The following SYT9 variants were observed in gnomAD, a reference collection of about 807,000 sequenced individuals.
SYT9 encodes the protein synaptotagmin 9, also known as synaptotagmin-9.
A neutral mutation model predicts 48.4 loss-of-function variants in SYT9; 22 were observed. The observed-to-expected ratio is 0.45, with a 90% confidence interval of 0.32 to 0.65. The LOEUF is 0.65. Among genes scored for constraint, SYT9 ranks in the 30% least tolerant of loss-of-function variants. The pLI is 0.03. For missense variants in SYT9, 577 were observed against 622.0 expected, an observed-to-expected ratio of 0.93 and a Z score of 0.77; for synonymous variants, 265 against 245.0, an observed-to-expected ratio of 1.08 and a Z score of -0.76.
chr11:7,315,137 G>T (rs1849218711), intron 3 of SYT9, among the ~76,000 whole-genome samples: 3 of 152,214 alleles, frequency 2.0e-5, no homozygotes, highest in Admixed American at 2.0e-4. Flanking sequence ...CATGAGGAAA[G>T]AAAGAAAGGA....
At chr11:7,357,523 C>A (rs1850044073) in intron 3 of SYT9, among the ~76,000 whole-genome samples, 1 of 152,216 alleles carries the variant, frequency 6.6e-6, no homozygotes, top group East Asian at 1.9e-4. Flanking sequence ...CTGAGAGAAT[C>A]CTAAAGATAG....
At chr11:7,321,756 A>G (rs1003257225) in intron 3 of SYT9, among the ~76,000 whole-genome samples, 2 of 152,160 alleles carry the variant, frequency 1.3e-5, no homozygotes, top group Non-Finnish European at 2.9e-5. Flanking sequence ...TTACATACAA[A>G]TTAAAGGGCG....
intron 3 of SYT9, among the ~76,000 whole-genome samples, chr11:7,387,600 G>T (rs1850686084): frequency 1.3e-5 from 2 of 152,056 alleles, no homozygotes; most frequent in South Asian, 2.1e-4. Flanking sequence ...CAAATACAAT[G>T]TTCAATAGAA....
At chr11:7,364,142 G>A (rs2134019882) in intron 3 of SYT9, among the ~76,000 whole-genome samples, 1 of 152,208 alleles carries the variant, frequency 6.6e-6, no homozygotes, top group East Asian at 1.9e-4. Flanking sequence ...TAGTGGGGTG[G>A]GGTATTCATC....
intron 3 of SYT9, among the ~76,000 whole-genome samples, chr11:7,344,057 A>G (rs868377491): frequency 9.9e-5 from 15 of 152,192 alleles, no homozygotes; most frequent in Middle Eastern, 3.2e-3. Context: ...ACAATTCAAG[A>G]TGAGATTTGG....
At chr11:7,379,920 T>A (rs553400706) in intron 3 of SYT9, among the ~76,000 whole-genome samples, 2 of 152,230 alleles carry the variant, frequency 1.3e-5, no homozygotes, top group Non-Finnish European at 2.9e-5. Flanking sequence ...TACCATATGA[T>A]CCAGCAGTCC....
In SYT9 at chr11:7,419,992, G is replaced by T. The variant is rs1847320564; in HGVS notation, c.1338-514G>T. ...CCAAAGAAGCTGAACTTAGAAGAAA[G>T]GAGGGACAAGTATAAGACAATAACA... On this transcript the variant is annotated intron_variant, in intron 5 of 6. Coordinates refer to ENST00000318881, the MANE Select transcript of SYT9 (RefSeq NM_175733.4). Among the ~76,000 whole-genome samples, 4 of 152,314 alleles carry T rather than the reference G, an allele frequency of 2.6e-5. No homozygotes were observed. In the South Asian group the frequency reaches 8.3e-4, roughly 32 times the overall value.
intron 3 of SYT9, among the ~76,000 whole-genome samples, chr11:7,356,186 C>T (rs1190221411): frequency 1.3e-5 from 2 of 152,078 alleles, no homozygotes; most frequent in African/African-American, 4.8e-5. Flanking sequence ...GGTGATGATC[C>T]CATCAAAGGA....
intron 6 of SYT9, among the ~76,000 whole-genome samples, chr11:7,428,379 C>G (rs1177172730): frequency 6.6e-6 from 1 of 152,140 alleles, no homozygotes; most frequent in Non-Finnish European, 1.5e-5. Flanking sequence ...GTCTCCATCT[C>G]CAGGGATGGC....
intron 3 of SYT9, among the ~76,000 whole-genome samples, chr11:7,384,089 CACA>C (rs1850613921): frequency 2.0e-5 from 3 of 151,042 alleles, no homozygotes; most frequent in African/African-American, 7.3e-5. Flanking sequence ...CACACACACA[CACA>C]CCCTCACACC....
intron 4 of SYT9, among the ~76,000 whole-genome samples, chr11:7,417,606 G>A (rs1847276452): frequency 6.6e-6 from 1 of 152,174 alleles, no homozygotes; most frequent in Non-Finnish European, 1.5e-5. Flanking sequence ...GAGCTGGGGG[G>A]CCTGTTTTCA....
chr11:7,361,757 A>G (rs1405116157), intron 3 of SYT9, among the ~76,000 whole-genome samples: 2 of 152,196 alleles, frequency 1.3e-5, no homozygotes, highest in African/African-American at 4.8e-5. Context: ...GATCAGCTGC[A>G]TGTTGTGGAA....
intron 1 of SYT9, among the ~76,000 whole-genome samples, chr11:7,294,649 C>T (rs979590934): frequency 1.4e-4 from 22 of 152,292 alleles, no homozygotes; most frequent in African/African-American, 4.8e-4. Context: ...AAATAATCCT[C>T]TTTGGCTTAA....
At chr11:7,241,659 G>C (rs1847741939) in intron 1 of SYT9, among the ~76,000 whole-genome samples, 1 of 152,204 alleles carries the variant, frequency 6.6e-6, no homozygotes, top group Admixed American at 6.5e-5. Flanking sequence ...TGGATTAGAA[G>C]AATAACAACA....
At chr11:7,390,253 C>A (rs1171721885) in intron 3 of SYT9, among the ~76,000 whole-genome samples, 2 of 152,128 alleles carry the variant, frequency 1.3e-5, no homozygotes, top group African/African-American at 4.8e-5. Flanking sequence ...TCTGTCCTTG[C>A]AATAGTGGTG....
At chr11:7,302,779 C>A (rs973432328) in intron 1 of SYT9, among the ~76,000 whole-genome samples, 1 of 152,216 alleles carries the variant, frequency 6.6e-6, no homozygotes, top group Non-Finnish European at 1.5e-5. Flanking sequence ...CTTGCCATAG[C>A]AGGCTGTTTA....
chr11:7,376,587 C>A (rs74053612), intron 3 of SYT9, among the ~76,000 whole-genome samples: 4,573 of 152,180 alleles, frequency 0.03, 246 homozygotes, highest in African/African-American at 0.11. Context: ...CAAACCATCT[C>A]AGCACATGGA....
intron 1 of SYT9, among the ~76,000 whole-genome samples, chr11:7,263,863 T>C (rs753453736): frequency 1.7e-4 from 26 of 152,102 alleles, no homozygotes; most frequent in Non-Finnish European, 1.6e-4. Context: ...TAAGCCATTT[T>C]TTGGAATTAT....
chr11:7,266,320 G>T (rs1004629856), intron 1 of SYT9, among the ~76,000 whole-genome samples: 3 of 151,952 alleles, frequency 2.0e-5, no homozygotes, highest in Non-Finnish European at 4.4e-5. Flanking sequence ...CTTTAATTTT[G>T]AGGGAACTCA....
Sources: allele counts gnomAD v4.1 joint callset (sites outside exome capture counted in the v4.1 genomes callset), GRCh38; gene constraint gnomAD v4.1.1; transcripts MANE v1.5; gene names NCBI Gene and HGNC (gene_info 2026-07-23, HGNC 2026-07-21).